The following SGK3 variants were observed in gnomAD, a reference collection of about 807,000 sequenced individuals.
The protein encoded by SGK3 is serum/glucocorticoid regulated kinase family member 3.
A neutral mutation model predicts 68.5 loss-of-function variants in SGK3; 47 were observed. That is an observed-to-expected ratio of 0.69 (90% confidence interval 0.54 to 0.87). The LOEUF is 0.87. Ranked by LOEUF, SGK3 falls within the 40% of genes least tolerant of loss-of-function variation. SGK3 has a pLI of 0.00. For synonymous variants in SGK3, 181 were observed against 189.1 expected, an observed-to-expected ratio of 0.96 and a Z score of 0.35; for missense variants, 479 against 575.5, an observed-to-expected ratio of 0.83 and a Z score of 1.72.
chr8:66,835,145 C>T (rs1019294845), intron 8 of SGK3, among the ~76,000 whole-genome samples: 7 of 152,098 alleles, frequency 4.6e-5, no homozygotes, highest in African/African-American at 1.7e-4. Context: ...TGGCACACGC[C>T]TGTAGTCCCA....
At chr8:66,823,401 T>G (rs1376637876) in intron 6 of SGK3, among the ~76,000 whole-genome samples, 34 of 151,996 alleles carry the variant, frequency 2.2e-4, no homozygotes, top group Middle Eastern at 3.4e-3. Context: ...TTTTTTTTTT[T>G]TTGTTAATTT....
At chr8:66,736,849 C>A (rs1805330875) in intron 1 of SGK3, among the ~76,000 whole-genome samples, 1 of 150,984 alleles carries the variant, frequency 6.6e-6, no homozygotes, top group Non-Finnish European at 1.5e-5. Context: ...GAACTCCCGA[C>A]CTCAGGTGAT....
rs369909644 is a variant in SGK3, at chr8:66,770,046, C to T, written c.-121-23570C>T. Among the ~76,000 whole-genome samples, 68 of 152,230 alleles carry T rather than the reference C, an allele frequency of 4.5e-4. No individual in the cohort carries two copies. In the East Asian group the frequency reaches 9.3e-3, roughly 21 times the overall value. ...TCCGCTCACTGCAAGCTCCACCTCC[C>T]GGGTTCATGCCATTCTCCTGCCTCA... On this transcript the variant is annotated intron_variant, in intron 1 of 16. Transcript: ENST00000521198.
Position 66,779,592 on chromosome 8 carries a change from ATATATAT to A in SGK3, c.-121-14023_-121-14017del, listed in dbSNP as rs1457299610. On this transcript the variant is annotated intron_variant, in intron 1 of 16. Coordinates refer to ENST00000521198, the MANE Select transcript of SGK3 (RefSeq NM_001033578.3). ...TATATATATATATATATATATATATATATATATATAAAACACATTTTTTATATATATA... is the reference window on the plus strand; with the variant it reads ...TATATATATATATATATATATATATAATAAAACACATTTTTTATATATATA... Among the ~76,000 whole-genome samples the A allele has an allele frequency of 2.8e-4, 37 of 132,046 alleles. 1 individual carries two copies. The highest frequency in any genetic ancestry group is 1.1e-3 in the African/African-American group (37 of 33,896). 86.6% of individuals were successfully genotyped at this position (132,046 alleles called of 152,430 possible).
chr8:66,744,528 T>TG (rs1430333048), intron 1 of SGK3, among the ~76,000 whole-genome samples: 9,215 of 114,152 alleles, frequency 0.081, 1,093 homozygotes, highest in African/African-American at 0.21. Flanking sequence ...TATTTTTTTT[T>TG]TTTTTTTTTT....
chr8:66,847,080 A>G, intron 14 of SGK3, 113 bp from the exon 15 acceptor site: 1 of 1,451,236 alleles, frequency 6.9e-7, no homozygotes. Flanking sequence ...ACACGTCCCA[A>G]GAGGTCCATA....
chr8:66,729,715 G>C (rs1385084983), intron 1 of SGK3, among the ~76,000 whole-genome samples: 1 of 144,516 alleles, frequency 6.9e-6, no homozygotes, highest in Non-Finnish European at 1.5e-5. Flanking sequence ...TTTCTAGAAT[G>C]CCTACATTTA....
intron 13 of SGK3, 124 bp downstream of exon 13, chr8:66,841,234 C>T: frequency 5.3e-6 from 4 of 758,564 alleles, no homozygotes; most frequent in Non-Finnish European, 5.7e-6. Context: ...AGCTTCCAGC[C>T]AGCTGGAAAT....
chr8:66,745,854 A>C (rs1288799517), intron 1 of SGK3, among the ~76,000 whole-genome samples: 1 of 152,170 alleles, frequency 6.6e-6, no homozygotes, highest in Non-Finnish European at 1.5e-5. Flanking sequence ...ATATGGCAAA[A>C]GAGTGAGTGG....
At chr8:66,857,748 A>C (rs1810571256) in intron 16 of SGK3, among the ~76,000 whole-genome samples, 1 of 151,476 alleles carries the variant, frequency 6.6e-6, no homozygotes, top group African/African-American at 2.4e-5. Flanking sequence ...GTGCCACTGC[A>C]TTCCAGCCTG....
chr8:66,713,219 C>T (rs1052627869), intron 1 of SGK3, among the ~76,000 whole-genome samples: 1 of 152,206 alleles, frequency 6.6e-6, no homozygotes, highest in Admixed American at 6.5e-5. Flanking sequence ...ATCGTTTAAC[C>T]TGTTGTCAGC....
chr8:66,771,887 T>A (rs1349928315), intron 1 of SGK3, among the ~76,000 whole-genome samples: 1 of 151,688 alleles, frequency 6.6e-6, no homozygotes, highest in East Asian at 2.0e-4. Flanking sequence ...TCCAAAAAAG[T>A]CTTACTTAAT....
chr8:66,847,424 GTAT>G lies in SGK3; in HGVS notation c.1230+78_1230+80del, dbSNP rs1563658757. On this transcript the variant is annotated intron_variant, in intron 15 of 16. Coordinates refer to ENST00000521198, the MANE Select transcript of SGK3 (RefSeq NM_001033578.3). The stretch of plus-strand genomic sequence containing the variant: ...TGGAAATAAAGCTTTATTTTATATG[GTAT>G]TTAATGGAATGAATACAATATGCGG... 52 of 1,562,154 alleles carry G rather than the reference GTAT, an allele frequency of 3.3e-5. 2 individuals carry two copies. Among genetic ancestry groups the G allele is most frequent in the Non-Finnish European group, 1.7e-6 (2 of 1,156,758 alleles).
chr8:66,828,967 G>GGGT (rs1809183921), intron 7 of SGK3, among the ~76,000 whole-genome samples: 4 of 119,514 alleles, frequency 3.3e-5, no homozygotes, highest in Non-Finnish European at 6.7e-5. Flanking sequence ...GTGGGTGGGG[G>GGGT]GTGTGTGTGT....
At chr8:66,743,537 G>C (rs1805541830) in intron 1 of SGK3, among the ~76,000 whole-genome samples, 1 of 152,116 alleles carries the variant, frequency 6.6e-6, no homozygotes, top group African/African-American at 2.4e-5. Context: ...TGTTATTTTT[G>C]TTTTTGTTTG....
chr8:66,744,483 GTATATATATATATATA>G (rs869176585), intron 1 of SGK3, among the ~76,000 whole-genome samples: 4 of 40,756 alleles, frequency 9.8e-5, no homozygotes, highest in African/African-American at 1.5e-4. Flanking sequence ...GTGTGTGTGT[GTATATATATATATATA>G]TATATATATA....
intron 1 of SGK3, among the ~76,000 whole-genome samples, chr8:66,788,938 A>G (rs189605818): frequency 6.6e-6 from 1 of 152,322 alleles, no homozygotes; most frequent in Non-Finnish European, 1.5e-5. Context: ...AAGATGATCA[A>G]GGACTCTCCA....
rs896975868 is a variant in SGK3 at position 66,800,949 on chromosome 8, C to A, written c.180+2324C>A. 8.8e-4 allele frequency among the ~76,000 whole-genome samples: 134 copies of A among 152,178 alleles called. 1 individual carries two copies. Among genetic ancestry groups the A allele is most frequent in the Admixed American group, 8.5e-3 (130 of 15,280 alleles). ...GCAATGAGCCATGACCATGCCACTA[C>A]ACCCTTGAGACCCTGTCTCAAAACA... On this transcript the variant is annotated intron_variant, in intron 3 of 16. Coordinates refer to ENST00000521198, the MANE Select transcript of SGK3 (RefSeq NM_001033578.3).
At chr8:66,831,479 A>G (rs931657624) in intron 8 of SGK3, among the ~76,000 whole-genome samples, 168 bp downstream of exon 8, 1 of 152,018 alleles carries the variant, frequency 6.6e-6, no homozygotes, top group Admixed American at 6.6e-5. Flanking sequence ...AGCTGGGACT[A>G]TAGGCACACA....
Sources: gnomAD v4.1 joint callset for allele counts (sites outside exome capture counted in the v4.1 genomes callset) on GRCh38, gnomAD v4.1.1 for gene constraint, MANE v1.5 for transcripts, NCBI Gene and HGNC (gene_info 2026-07-23, HGNC 2026-07-21) for gene names.